The following CUL4B variants were observed in gnomAD, a reference collection of about 807,000 sequenced individuals.
CUL4B encodes the protein cullin-4B.
Under a neutral mutation model 69.2 loss-of-function variants are expected in CUL4B, and 1 was observed. That is an observed-to-expected ratio of 0.01 (90% CI 0.01 to 0.07). CUL4B has a LOEUF of 0.07. Among genes scored for constraint, CUL4B ranks in the 10% least tolerant of loss-of-function variants. The probability of loss-of-function intolerance (pLI) is 1.00; values close to 1 mark genes in which losing one functional copy is unlikely to be tolerated. For missense variants in CUL4B, 328 were observed against 638.8 expected (o/e 0.51, Z 5.24); for synonymous variants, 237 against 223.2 (o/e 1.06, Z -0.55).
chrX:120,538,216 A>C lies in CUL4B; in HGVS notation c.1853-7T>G. The C allele has an allele frequency of 8.9e-7, 1 of 1,122,117 alleles. No individual in the cohort carries two copies. 92.5% of individuals were successfully genotyped at this position (1,122,117 alleles called of 1,213,427 possible). A position where few individuals can be genotyped will look rare whatever the true frequency, so the allele number is the denominator to read the frequency against. On this transcript the variant is annotated splice_polypyrimidine_tract_variant and splice_region_variant and intron_variant, in intron 13 of 19. Transcript: ENST00000371322. Reference sequence around the variant, plus strand: ...GTGAAAGCAGCTCCGCATTCTATTAAAGATGTTTGTACATGTATAATATTT... The same window carrying C: ...GTGAAAGCAGCTCCGCATTCTATTACAGATGTTTGTACATGTATAATATTT...
downstream of CUL4B, among the ~76,000 whole-genome samples, chrX:120,570,530 GA>G (rs779112530): frequency 9.0e-6 from 1 of 110,890 alleles, no homozygotes; most frequent in Non-Finnish European, 1.9e-5. Context: ...TTCCTTAACA[GA>G]AAAAAAAATT....
chrX:120,526,948 G>T, intron 19 of CUL4B, 92 bp from the exon 20 acceptor site: 2 of 454,595 alleles, frequency 4.4e-6, no homozygotes, highest in Non-Finnish European at 7.6e-6. Flanking sequence ...AACAGTTTCG[G>T]CTCATGAATT....
upstream of CUL4B, among the ~76,000 whole-genome samples, chrX:120,566,371 A>ATGTATATATATATATATATATATG (rs1213048362): frequency 2.8e-4 from 17 of 60,028 alleles, no homozygotes; most frequent in African/African-American, 9.0e-4. Context: ...ATATATATAT[A>ATGTATATATATATATATATATATG]TATATATATA....
chrX:120,570,483 C>A (rs911404089), downstream of CUL4B, among the ~76,000 whole-genome samples: 2 of 112,076 alleles, frequency 1.8e-5, no homozygotes, highest in African/African-American at 6.5e-5. Context: ...TTGACAGAGA[C>A]CGTATGGCCC....
chrX:120,530,080 A>T, intron 19 of CUL4B, 22 bp downstream of exon 19: 2 of 1,197,647 alleles, frequency 1.7e-6, no homozygotes, highest in South Asian at 1.8e-5. Context: ...CACGCTCAAT[A>T]GGAAAACACA....
chrX:120,560,797 C>A lies in CUL4B; in HGVS notation c.-159G>T. 5.6e-6 allele frequency: 5 copies of A among 890,801 alleles called. No homozygotes were observed. In the South Asian group the frequency reaches 1.5e-4, roughly 28 times the overall value. The allele number at this position is 890,801 out of a possible 1,213,427, so 73.4% of individuals were successfully genotyped here. On this transcript the variant is annotated 5_prime_UTR_variant, in exon 1 of 20. Coordinates refer to ENST00000371322, the MANE Select transcript of CUL4B (RefSeq NM_001079872.2). Reference sequence around the variant, plus strand: ...AGGAAAGTGAAGGGGGGGGCTACACCGGGGGAATGGGAGGGTTTGGGAAGG... The same window carrying A: ...AGGAAAGTGAAGGGGGGGGCTACACAGGGGGAATGGGAGGGTTTGGGAAGG...
chrX:120,554,556 A>T (rs887809706), intron 2 of CUL4B, among the ~76,000 whole-genome samples: 2 of 112,665 alleles, frequency 1.8e-5, no homozygotes, highest in Non-Finnish European at 3.7e-5. Flanking sequence ...CTGCAAGTGT[A>T]CTTAGAACAG....
intron 4 of CUL4B, among the ~76,000 whole-genome samples, chrX:120,546,119 A>T (rs1166187766): frequency 9.0e-6 from 1 of 111,667 alleles, no homozygotes; most frequent in African/African-American, 3.3e-5. Context: ...CAAAAATAAA[A>T]ATGAACCTAA....
At position 120,526,132 on chromosome X, in the gene CUL4B, C is replaced by T. The variant is rs768344589; in HGVS notation, c.*629G>A. 2 of 112,358 alleles carry T rather than the reference C, an allele frequency of 1.8e-5. No individual in the cohort carries two copies. The highest frequency in any genetic ancestry group is 7.4e-4 in the South Asian group (2 of 2,701). The allele number at this position is 112,358 out of a possible 1,213,427, so 9.3% of individuals were successfully genotyped here. A position where few individuals can be genotyped will look rare whatever the true frequency, so the allele number is the denominator to read the frequency against. ...TGAAAATTTTTAGGATGTGAATATA[C>T]AAGATATTATGTAAGCAACTGTCCC... On this transcript the variant is annotated 3_prime_UTR_variant, in exon 20 of 20. Transcript: ENST00000371322.
chrX:120,527,090 C>T (rs1216228451), intron 19 of CUL4B, among the ~76,000 whole-genome samples: 227 of 105,128 alleles, frequency 2.2e-3, no homozygotes, highest in Non-Finnish European at 3.7e-3. Flanking sequence ...GACGGAGTCT[C>T]GCTCTGTCAC....
In CUL4B at chrX:120,546,520, C is replaced by T. The variant is rs187143311; in HGVS notation, c.846+27G>A. 2.3e-4 allele frequency: 258 copies of T among 1,135,531 alleles called. 1 individual carries two copies. The African/African-American group carries it at 3.1e-3, about 14-fold the overall frequency. 93.6% of individuals were successfully genotyped at this position (1,135,531 alleles called of 1,213,427 possible). On this transcript the variant is annotated intron_variant, in intron 4 of 19. Transcript: ENST00000371322. ...TTTAACTATTAATACAATGTTTAGC[C>T]GAAATACAATACTTTTTCCAGCTTA... is the stretch of plus-strand genomic sequence containing the variant.
downstream of CUL4B, among the ~76,000 whole-genome samples, chrX:120,569,190 TC>T (rs1434937510): frequency 9.0e-6 from 1 of 110,819 alleles, no homozygotes; most frequent in Non-Finnish European, 1.9e-5. Flanking sequence ...TGGCTGCTTC[TC>T]CTGGCCAAAT....
chrX:120,569,666 T>C (rs1925660808), downstream of CUL4B, among the ~76,000 whole-genome samples: 1 of 111,844 alleles, frequency 8.9e-6, no homozygotes, highest in African/African-American at 3.2e-5. Flanking sequence ...GGCTGGGAAG[T>C]TTCTATTACC....
intron 3 of CUL4B, 64 bp from the exon 4 acceptor site, chrX:120,546,680 G>T: frequency 1.3e-6 from 1 of 790,820 alleles, no homozygotes; most frequent in Non-Finnish European, 1.9e-6. Context: ...ATGTGACAGA[G>T]AGCATATTAG....
At chrX:120,550,119 C>T (rs910473863) in intron 2 of CUL4B, among the ~76,000 whole-genome samples, 1 of 111,936 alleles carries the variant, frequency 8.9e-6, no homozygotes, top group African/African-American at 3.3e-5. Context: ...CAGTGACTCA[C>T]ATGGCACTCG....
chrX:120,574,853 C>T (rs1277440572), intron 1 of CUL4B, among the ~76,000 whole-genome samples: 1 of 112,026 alleles, frequency 8.9e-6, no homozygotes, highest in East Asian at 2.8e-4. Context: ...TCATTTCAAG[C>T]TGATTTGGCA....
chrX:120,571,614 T>C (rs1338042734), exon 3 of CUL4B: 2 of 111,471 alleles, frequency 1.8e-5, no homozygotes, highest in African/African-American at 6.5e-5. Context: ...TATGGATTAC[T>C]TGAAAAGGGG....
Position 120,532,644 on chromosome X carries a change from CG to C in CUL4B, c.2267-51del, listed in dbSNP as rs777425786. ...TATTTGTTACCAGCATGAACAACTA[CG>C]ACATTCTACCTCAATCTAGCTTCCA... On this transcript the variant is annotated intron_variant, in intron 17 of 19. Coordinates refer to ENST00000371322, the MANE Select transcript of CUL4B (RefSeq NM_001079872.2). The C allele has an allele frequency of 4.9e-6, 5 of 1,027,166 alleles. No individual in the cohort carries two copies. The South Asian group carries it at 7.5e-5, about 15-fold the overall frequency. The allele number at this position is 1,027,166 out of a possible 1,213,427, so 84.7% of individuals were successfully genotyped here. A position where few individuals can be genotyped will look rare whatever the true frequency, so the allele number is the denominator to read the frequency against.
chrX:120,527,324 C>T (rs762494979), intron 19 of CUL4B, among the ~76,000 whole-genome samples: 70 of 111,969 alleles, frequency 6.3e-4, no homozygotes, highest in Non-Finnish European at 1.1e-3. Flanking sequence ...TCCCAAAGTG[C>T]TGGGATTACA....
Sources: gnomAD v4.1 joint callset for allele counts (sites outside exome capture counted in the v4.1 genomes callset) on GRCh38, gnomAD v4.1.1 for gene constraint, MANE v1.5 for transcripts, NCBI Gene and HGNC (gene_info 2026-07-23, HGNC 2026-07-21) for gene names.